The following ZNRF1 variants were observed in gnomAD, a reference collection of about 807,000 sequenced individuals.
The protein encoded by ZNRF1 is zinc and ring finger 1.
Under a neutral mutation model 18.4 loss-of-function variants are expected in ZNRF1, and 3 were observed. The ratio of observed to expected loss-of-function variants is 0.16; its 90% confidence interval spans 0.07 to 0.42. ZNRF1 has a LOEUF of 0.42. Ranked by LOEUF, ZNRF1 falls within the 10% of genes least tolerant of loss-of-function variation. The pLI, the probability that ZNRF1 is intolerant of heterozygous loss-of-function variation, is 0.99. For missense variants in ZNRF1, 310 were observed against 329.8 expected (o/e 0.94, Z 0.47); for synonymous variants, 157 against 144.2 (o/e 1.09, Z -0.64).
chr16:75,094,812 G>A (rs769845933), intron 2 of ZNRF1, among the ~76,000 whole-genome samples: 71 of 152,294 alleles, frequency 4.7e-4, no homozygotes, highest in Middle Eastern at 3.4e-3. Context: ...TCAGAAAACG[G>A]CATCTTCCAC....
chr16:75,050,900 A>AAAAAAAAT (rs2035590817), intron 1 of ZNRF1, among the ~76,000 whole-genome samples: 1 of 109,824 alleles, frequency 9.1e-6, no homozygotes, highest in Non-Finnish European at 1.9e-5. Context: ...AAAAAAAAAC[A>AAAAAAAAT]AAAAACTTGT....
intron 1 of ZNRF1, among the ~76,000 whole-genome samples, chr16:75,042,865 A>G (rs2035467535): frequency 6.6e-6 from 1 of 152,210 alleles, no homozygotes; most frequent in African/African-American, 2.4e-5. Context: ...AGAGGTTATA[A>G]TAAGCGAAGG....
chr16:75,105,129 G>A (rs545456930), intron 3 of ZNRF1: 1 of 438,120 alleles, frequency 2.3e-6, no homozygotes, highest in South Asian at 2.3e-5. Context: ...GGGCTCAGGT[G>A]GTGGGAGCTG....
rs374707312 is a variant in ZNRF1 at position 75,050,540 on chromosome 16, C to T, written c.425-43032C>T. Among the ~76,000 whole-genome samples the T allele has an allele frequency of 1.5e-4, 23 of 150,204 alleles. No homozygotes were observed. In the South Asian group the frequency reaches 4.7e-3, roughly 30 times the overall value. Reference sequence around the variant, plus strand: ...GGCCTTGTCTCAACAATCAATCAATCGATCGTGTGTTCCTGATATTAAAAA... The same window carrying T: ...GGCCTTGTCTCAACAATCAATCAATTGATCGTGTGTTCCTGATATTAAAAA... On this transcript the variant is annotated intron_variant, in intron 1 of 4. Coordinates refer to ENST00000335325, the MANE Select transcript of ZNRF1 (RefSeq NM_032268.5).
chr16:75,012,247 A>C (rs1354879519), intron 1 of ZNRF1, among the ~76,000 whole-genome samples: 2 of 152,254 alleles, frequency 1.3e-5, no homozygotes, highest in African/African-American at 4.8e-5. Flanking sequence ...TAGCATGACC[A>C]GTGAGACTGG....
At position 75,108,161 on chromosome 16, in the gene ZNRF1, G is replaced by A. The variant is rs545065421; in HGVS notation, c.*461G>A. Reference sequence around the variant, plus strand: ...GCCTTCTGACGGCGGGCGAGCACACGGTCTCTTCCCCTGCCCCAACTGGCC... The same window carrying A: ...GCCTTCTGACGGCGGGCGAGCACACAGTCTCTTCCCCTGCCCCAACTGGCC... On this transcript the variant is annotated 3_prime_UTR_variant, in exon 5 of 5. Coordinates refer to ENST00000335325, the MANE Select transcript of ZNRF1 (RefSeq NM_032268.5). The A allele has an allele frequency of 2.2e-5, 4 of 185,602 alleles. No homozygotes were observed. In the South Asian group the frequency reaches 3.7e-4, roughly 17 times the overall value. The allele number at this position is 185,602 out of a possible 1,614,324, so 11.5% of individuals were successfully genotyped here. A position where few individuals can be genotyped will look rare whatever the true frequency, so the allele number is the denominator to read the frequency against.
intron 1 of ZNRF1, among the ~76,000 whole-genome samples, chr16:75,029,374 T>A (rs915699219): frequency 2.0e-5 from 3 of 152,104 alleles, no homozygotes; most frequent in Non-Finnish European, 2.9e-5. Context: ...AGTCTCGATC[T>A]CCTGACCTTG....
Position 75,074,024 on chromosome 16 carries a change from A to G in ZNRF1, c.425-19548A>G, listed in dbSNP as rs536591520. Among the ~76,000 whole-genome samples, 11 of 152,106 alleles carry G rather than the reference A, an allele frequency of 7.2e-5. No individual in the cohort carries two copies. In the South Asian group the frequency reaches 8.3e-4, roughly 12 times the overall value. ...AATCTTGCAGTGCTACCACCCGGAG[A>G]GCAGAGATAAAGATTGGGATTTTAT... On this transcript the variant is annotated intron_variant, in intron 1 of 4. Transcript: ENST00000335325.
chr16:75,095,756 G>C (rs955749158), intron 2 of ZNRF1: 2 of 1,516,902 alleles, frequency 1.3e-6, no homozygotes, highest in African/African-American at 2.8e-5. Flanking sequence ...GGAAGGTGAG[G>C]CTGTCCAGCT....
At chr16:75,079,775 A>G (rs1253414281) in intron 1 of ZNRF1, among the ~76,000 whole-genome samples, 1 of 151,982 alleles carries the variant, frequency 6.6e-6, no homozygotes, top group Non-Finnish European at 1.5e-5. Flanking sequence ...GCCTCCATCT[A>G]CCTGTGTTGG....
intron 1 of ZNRF1, among the ~76,000 whole-genome samples, chr16:75,082,145 G>C (rs1042122422): frequency 1.3e-5 from 2 of 151,422 alleles, no homozygotes; most frequent in Non-Finnish European, 3.0e-5. Context: ...GCCTCCCAAA[G>C]TGTTGGAATT....
Position 74,999,609 on chromosome 16 carries a change from C to A in ZNRF1, c.-63C>A. 8.4e-7 allele frequency: 1 copy of A among 1,196,050 alleles called. No individual in the cohort carries two copies. Among genetic ancestry groups the A allele is most frequent in the South Asian group, 2.7e-5 (1 of 36,808 alleles). The allele number at this position is 1,196,050 out of a possible 1,614,324, so 74.1% of individuals were successfully genotyped here. A position where few individuals can be genotyped will look rare whatever the true frequency, so the allele number is the denominator to read the frequency against. ...TTATGCTCGCCCAGCCCTCCCCCTG[C>A]TGCTGAGAAGTGGGGGAGGGTCTCG... On this transcript the variant is annotated 5_prime_UTR_variant, in exon 1 of 5. In the 5' UTR this introduces an upstream ATG that the reference lacks. Transcript: ENST00000335325.
chr16:75,007,490 C>T (rs572291050), intron 1 of ZNRF1, among the ~76,000 whole-genome samples: 249 of 152,054 alleles, frequency 1.6e-3, no homozygotes, highest in African/African-American at 5.8e-3. Context: ...GAATAATTCA[C>T]TGGATCCCTG....
At chr16:75,106,411 T>G (rs1397132875) in intron 3 of ZNRF1, 71 bp from the exon 4 acceptor site, 1 of 1,562,602 alleles carries the variant, frequency 6.4e-7, no homozygotes. Context: ...AATCTGGCCC[T>G]CTGAAAGAGC....
chr16:75,038,821 A>G (rs28582144), intron 1 of ZNRF1, among the ~76,000 whole-genome samples: 330 of 152,260 alleles, frequency 2.2e-3, no homozygotes, highest in African/African-American at 7.7e-3. Flanking sequence ...CCTTTGAGCC[A>G]TACTGATAAG....
At chr16:75,015,813 G>A (rs1023806302) in intron 1 of ZNRF1, among the ~76,000 whole-genome samples, 3 of 152,096 alleles carry the variant, frequency 2.0e-5, no homozygotes, top group Non-Finnish European at 2.9e-5. Context: ...ATTAGAATGG[G>A]GCAAGATAGG....
At chr16:75,064,046 C>A (rs1034431386) in intron 1 of ZNRF1, among the ~76,000 whole-genome samples, 1 of 152,134 alleles carries the variant, frequency 6.6e-6, no homozygotes, top group Non-Finnish European at 1.5e-5. Context: ...GCCTGTAAAT[C>A]CCAGCACTTT....
chr16:75,001,751 GC>G (rs1276819082), intron 1 of ZNRF1, among the ~76,000 whole-genome samples: 2 of 152,098 alleles, frequency 1.3e-5, no homozygotes, highest in African/African-American at 2.4e-5. Context: ...GAAAGGGAGT[GC>G]TTTTTTTGCT....
chr16:75,050,684 C>T (rs1456752274), intron 1 of ZNRF1, among the ~76,000 whole-genome samples: 13 of 151,194 alleles, frequency 8.6e-5, no homozygotes, highest in African/African-American at 2.4e-4. Flanking sequence ...CTGGCTAACA[C>T]GGTGAAACAC....
Sources: allele counts gnomAD v4.1 joint callset (sites outside exome capture counted in the v4.1 genomes callset), GRCh38; gene constraint gnomAD v4.1.1; transcripts MANE v1.5; gene names NCBI Gene and HGNC (gene_info 2026-07-23, HGNC 2026-07-21).